The following KIF26B variants were observed in gnomAD, a reference collection of about 807,000 sequenced individuals.
KIF26B encodes kinesin family member 26B.
In KIF26B, 63 loss-of-function variants were observed where a neutral mutation model predicts 151.2. The ratio of observed to expected loss-of-function variants is 0.42; its 90% CI spans 0.34 to 0.51. The LOEUF is 0.51. Among genes scored for constraint, KIF26B ranks in the 20% least tolerant of loss-of-function variants. The pLI is 0.07. For missense variants in KIF26B, 2,813 were observed against 2,913.6 expected, an observed-to-expected ratio of 0.97 and a Z score of 0.79; for synonymous variants, 1,357 against 1,262.1, an observed-to-expected ratio of 1.08 and a Z score of -1.59.
At chr1:245,480,326 G>C (rs1358394502) in intron 4 of KIF26B, among the ~76,000 whole-genome samples, 1 of 151,554 alleles carries the variant, frequency 6.6e-6, no homozygotes, top group Non-Finnish European at 1.5e-5. Context: ...GTGGGATTGG[G>C]CATGGTACCT....
intron 4 of KIF26B, among the ~76,000 whole-genome samples, chr1:245,450,110 C>T (rs564351317): frequency 7.7e-4 from 117 of 152,172 alleles, no homozygotes; most frequent in Non-Finnish European, 1.2e-3. Flanking sequence ...ATGTGGTACC[C>T]GTGGTGAGTT....
chr1:245,487,764 A>AT (rs11413237), intron 4 of KIF26B, among the ~76,000 whole-genome samples: 114,527 of 132,574 alleles, frequency 0.86, 50,228 homozygotes, highest in East Asian at 0.94. Context: ...CATCCAGCTA[A>AT]TTTTTTTTTT....
intron 2 of KIF26B, among the ~76,000 whole-genome samples, chr1:245,258,257 C>A (rs947348000): frequency 6.6e-6 from 1 of 152,200 alleles, no homozygotes; most frequent in Admixed American, 6.5e-5. Context: ...GACAGAGCCC[C>A]TTCTAGGAGC....
chr1:245,304,524 T>A (rs1365961779), intron 2 of KIF26B, among the ~76,000 whole-genome samples: 2 of 152,216 alleles, frequency 1.3e-5, no homozygotes, highest in Non-Finnish European at 2.9e-5. Context: ...GAAGTATCCC[T>A]TCTCTTTGGG....
chr1:245,273,707 C>T (rs1342499273), intron 2 of KIF26B, among the ~76,000 whole-genome samples: 2 of 152,150 alleles, frequency 1.3e-5, no homozygotes, highest in African/African-American at 2.4e-5. Flanking sequence ...TTACCATTTA[C>T]GTAGACTACC....
intron 10 of KIF26B, among the ~76,000 whole-genome samples, chr1:245,663,064 C>T (rs1558258064): frequency 6.6e-6 from 1 of 151,472 alleles, no homozygotes; most frequent in Non-Finnish European, 1.5e-5. Context: ...TTTTGTCCTA[C>T]AAATTTTAGC....
chr1:245,168,910 C>T (rs1457298722), intron 2 of KIF26B, among the ~76,000 whole-genome samples: 1 of 152,164 alleles, frequency 6.6e-6, no homozygotes, highest in Non-Finnish European at 1.5e-5. Flanking sequence ...AATCATTTAG[C>T]CAAGGTTGCC....
intron 10 of KIF26B, among the ~76,000 whole-genome samples, chr1:245,678,466 C>T (rs567805567): frequency 3.9e-5 from 6 of 152,186 alleles, no homozygotes; most frequent in South Asian, 4.2e-4. Context: ...TCAGTGTTCT[C>T]GGCATTTAAA....
intron 2 of KIF26B, among the ~76,000 whole-genome samples, chr1:245,160,395 T>A (rs1391443960): frequency 2.0e-5 from 3 of 152,192 alleles, no homozygotes; most frequent in African/African-American, 7.2e-5. Context: ...CCATTTCATG[T>A]CCAATGGCAA....
intron 11 of KIF26B, 47 bp from the exon 12 acceptor site, chr1:245,685,358 A>G: frequency 6.8e-7 from 1 of 1,480,726 alleles, no homozygotes; most frequent in Non-Finnish European, 9.2e-7. Flanking sequence ...GCTCCCGGGG[A>G]AACTGCCACG....
intron 10 of KIF26B, among the ~76,000 whole-genome samples, chr1:245,668,960 G>A (rs532787036): frequency 6.6e-6 from 1 of 152,268 alleles, no homozygotes; most frequent in African/African-American, 2.4e-5. Flanking sequence ...CCAAAGTGCT[G>A]GGATTACAGG....
chr1:245,420,630 C>T (rs1195610323), intron 4 of KIF26B, among the ~76,000 whole-genome samples: 1 of 152,238 alleles, frequency 6.6e-6, no homozygotes, highest in Non-Finnish European at 1.5e-5. Flanking sequence ...GATACGAAAT[C>T]ACAAGACCTT....
chr1:245,498,869 G>A (rs1660563747), intron 4 of KIF26B, among the ~76,000 whole-genome samples: 2 of 152,166 alleles, frequency 1.3e-5, no homozygotes, highest in Admixed American at 1.3e-4. Context: ...TTCTTGGACG[G>A]GTTCACATTC....
At position 245,419,792 on chromosome 1, in the gene KIF26B, G is replaced by C. The variant is rs115141772; in HGVS notation, c.1166+47G>C. 2.6e-3 allele frequency: 3,941 copies of C among 1,533,890 alleles called. 83 individuals carry two copies. The African/African-American group carries it at 0.048, about 18-fold the overall frequency. ...TTGGTTCTTTCCGATGAGCCCAGCT[G>C]GTTAGCCCCTCACGTGGACTAGCTC... On this transcript the variant is annotated intron_variant, in intron 4 of 14. Transcript: ENST00000407071.
Position 245,366,960 on chromosome 1 carries a change from G to A in KIF26B, c.592G>A (p.Ala198Thr). ...ATHLNQLKQE[A>T]IQMVLTLEQA... is the part of the protein sequence containing the mutation. Reference sequence around the variant, plus strand: ...TCACCTGAACCAGTTGAAGCAGGAGGCCATCCAGATGGTGCTGACGTTGGA... The same window carrying A: ...TCACCTGAACCAGTTGAAGCAGGAGACCATCCAGATGGTGCTGACGTTGGA... Residue 198 changes from alanine to threonine, a missense_variant, in exon 3 of 15, where the codon GCC becomes ACC. Physicochemically the swap from Ala to Thr is moderately conservative, Grantham distance 58 (BLOSUM62 0). Around this residue, in one of 3 missense-constraint regions of KIF26B, gnomAD observed 676 missense variants for 688.1 expected, o/e 0.98. Transcript: ENST00000407071. 6.2e-7 allele frequency: 1 copy of A among 1,614,034 alleles called. No homozygotes were observed. Among genetic ancestry groups the A allele is most frequent in the South Asian group, 1.1e-5 (1 of 91,082 alleles).
At chr1:245,288,134 A>G (rs5013980) in intron 2 of KIF26B, among the ~76,000 whole-genome samples, 5 of 151,950 alleles carry the variant, frequency 3.3e-5, no homozygotes, top group African/African-American at 1.2e-4. Flanking sequence ...TTCCTGGAAG[A>G]ACTTTTGTAT....
Position 245,705,255 on chromosome 1 carries a change from T to C in KIF26B, c.*2649T>C, listed in dbSNP as rs1274796502. Reference sequence around the variant, plus strand: ...AGGAGAATGCTTTATGTTGATGTTGTCCATTCTCTCTCTCTTCTCTTTGCT... The same window carrying C: ...AGGAGAATGCTTTATGTTGATGTTGCCCATTCTCTCTCTCTTCTCTTTGCT... On this transcript the variant is annotated 3_prime_UTR_variant, in exon 15 of 15. Coordinates refer to ENST00000407071, the MANE Select transcript of KIF26B (RefSeq NM_018012.4). 6.6e-6 allele frequency: 1 copy of C among 152,200 alleles called. No homozygotes were observed. The highest frequency in any genetic ancestry group is 1.5e-5 in the Non-Finnish European group (1 of 68,036). 9.4% of individuals were successfully genotyped at this position (152,200 alleles called of 1,614,324 possible). A position where few individuals can be genotyped will look rare whatever the true frequency, so the allele number is the denominator to read the frequency against.
At chr1:245,504,606 G>T (rs1660691747) in intron 4 of KIF26B, among the ~76,000 whole-genome samples, 2 of 151,826 alleles carry the variant, frequency 1.3e-5, no homozygotes, top group African/African-American at 4.8e-5. Flanking sequence ...CTCCCAGCTA[G>T]TTTTTTAATT....
chr1:245,682,006 G>A (rs2044445541), intron 10 of KIF26B, among the ~76,000 whole-genome samples: 1 of 152,232 alleles, frequency 6.6e-6, no homozygotes, highest in African/African-American at 2.4e-5. Flanking sequence ...ACTTTGGGAG[G>A]CCGAGGCGGG....
Sources: allele counts gnomAD v4.1 joint callset (sites outside exome capture counted in the v4.1 genomes callset), GRCh38; gene constraint gnomAD v4.1.1; regional missense constraint gnomAD v4.1.1; transcripts MANE v1.5; gene names NCBI Gene and HGNC (gene_info 2026-07-23, HGNC 2026-07-21).